EXOC6: variants seen among roughly 807,000 people sequenced by gnomAD.
EXOC6 encodes exocyst complex component 6, also known as SEC15-like 1.
A neutral mutation model predicts 112.5 loss-of-function variants in EXOC6; 60 were observed. That is an observed-to-expected ratio of 0.53 (90% CI 0.43 to 0.66). The LOEUF is 0.66. Among genes scored for constraint, EXOC6 ranks in the 30% least tolerant of loss-of-function variants. The pLI is 0.00. For missense variants in EXOC6, 855 were observed against 957.1 expected, an observed-to-expected ratio of 0.89 and a Z score of 1.41; for synonymous variants, 295 against 308.0, an observed-to-expected ratio of 0.96 and a Z score of 0.44.
At chr10:92,992,100 G>A (rs1733178847) in intron 18 of EXOC6, among the ~76,000 whole-genome samples, 1 of 151,828 alleles carries the variant, frequency 6.6e-6, no homozygotes, top group Admixed American at 6.6e-5. Context: ...GACCAGCCTG[G>A]CCAACATGGT....
intron 13 of EXOC6, 67 bp from the exon 14 acceptor site, chr10:92,948,207 T>C: frequency 1.0e-6 from 1 of 990,110 alleles, no homozygotes; most frequent in Non-Finnish European, 1.5e-6. Flanking sequence ...TTTTTTAAGG[T>C]ATTGTCTTTT....
At chr10:92,895,881 A>G (rs1305148032) in intron 4 of EXOC6, among the ~76,000 whole-genome samples, 1 of 142,916 alleles carries the variant, frequency 7.0e-6, no homozygotes, top group Non-Finnish European at 1.5e-5. Context: ...TTTTTTTTAA[A>G]TATAGTAAGC....
upstream of EXOC6, among the ~76,000 whole-genome samples, chr10:92,832,939 G>A (rs1846537030): frequency 1.3e-5 from 2 of 152,020 alleles, no homozygotes; most frequent in Non-Finnish European, 2.9e-5. Flanking sequence ...GTGGGATTAC[G>A]GGTGTGAGCC....
intron 17 of EXOC6, among the ~76,000 whole-genome samples, chr10:92,971,674 T>G (rs2134078566): frequency 6.6e-6 from 1 of 152,278 alleles, no homozygotes; most frequent in Non-Finnish European, 1.5e-5. Flanking sequence ...CTTATTGTAC[T>G]TTTTAATAAT....
At chr10:92,885,441 G>A (rs1349971854) in intron 1 of EXOC6, among the ~76,000 whole-genome samples, 3 of 151,180 alleles carry the variant, frequency 2.0e-5, no homozygotes, top group South Asian at 2.1e-4. Context: ...GTGCAGTGGC[G>A]CAATCTTGGC....
At chr10:92,878,677 A>G (rs772789291) in intron 1 of EXOC6, among the ~76,000 whole-genome samples, 1 of 152,138 alleles carries the variant, frequency 6.6e-6, no homozygotes, top group Non-Finnish European at 1.5e-5. Flanking sequence ...AGATAATGCG[A>G]TAATTGTCAA....
rs1251596925 is a variant in EXOC6 at position 92,934,094 on chromosome 10, A to G, written c.973-50A>G. On this transcript the variant is annotated intron_variant, in intron 9 of 21. Transcript: ENST00000260762. ...TTGTAGTGACTTGGAACTTACCTTT[A>G]TGTTACCAGTATTTATTGGTTTAAA... 3.5e-6 allele frequency: 4 copies of G among 1,132,096 alleles called. No homozygotes were observed. In the East Asian group the frequency reaches 7.2e-5, roughly 20 times the overall value. The allele number at this position is 1,132,096 out of a possible 1,614,324, so 70.1% of individuals were successfully genotyped here.
At chr10:92,953,701 C>T (rs1853541929) in intron 15 of EXOC6, among the ~76,000 whole-genome samples, 1 of 152,156 alleles carries the variant, frequency 6.6e-6, no homozygotes, top group African/African-American at 2.4e-5. Flanking sequence ...GATAATGAGG[C>T]TGTATCCAAG....
At chr10:92,994,054 C>T (rs146514883) in intron 18 of EXOC6, among the ~76,000 whole-genome samples, 197 of 152,322 alleles carry the variant, frequency 1.3e-3, no homozygotes, top group African/African-American at 4.4e-3. Context: ...TTACTGGTCT[C>T]AGTCTGACAT....
intron 1 of EXOC6, among the ~76,000 whole-genome samples, chr10:92,891,445 G>A (rs955622648): frequency 2.0e-5 from 3 of 152,098 alleles, no homozygotes; most frequent in South Asian, 2.1e-4. Flanking sequence ...TATATTTGAC[G>A]TACATTAGAA....
intron 1 of EXOC6, among the ~76,000 whole-genome samples, chr10:92,891,873 C>G (rs778790544): frequency 6.6e-6 from 1 of 152,032 alleles, no homozygotes; most frequent in Admixed American, 6.6e-5. Context: ...CAGAGGCTAC[C>G]CTCAAGAAGT....
In EXOC6 at chr10:93,058,708, GT is replaced by G. The variant is rs1846656367; in HGVS notation, c.*359del. 1 of 169,100 alleles carries G rather than the reference GT, an allele frequency of 5.9e-6. No individual in the cohort carries two copies. The highest frequency in any genetic ancestry group is 1.3e-5 in the Non-Finnish European group (1 of 79,254). 10.5% of individuals were successfully genotyped at this position (169,100 alleles called of 1,614,324 possible). On this transcript the variant is annotated 3_prime_UTR_variant, in exon 22 of 22. Coordinates refer to ENST00000260762, the MANE Select transcript of EXOC6 (RefSeq NM_019053.6). ...TCTATTTAGACTTGAATGATAATCTGTTTTTTGATCAGTATATGGCTTTGGA... is the reference window on the plus strand; with the variant it reads ...TCTATTTAGACTTGAATGATAATCTGTTTTTGATCAGTATATGGCTTTGGA...
intron 1 of EXOC6, among the ~76,000 whole-genome samples, chr10:92,858,386 T>G (rs961236386): frequency 6.6e-6 from 1 of 152,240 alleles, no homozygotes; most frequent in Non-Finnish European, 1.5e-5. Context: ...CCACATTTAT[T>G]TGAGACTCTG....
At chr10:92,934,674 C>T (rs1852251868) in intron 11 of EXOC6, among the ~76,000 whole-genome samples, 1 of 152,104 alleles carries the variant, frequency 6.6e-6, no homozygotes, top group African/African-American at 2.4e-5. Flanking sequence ...AAGCAGGTCT[C>T]ATTAGTCTCA....
intron 13 of EXOC6, among the ~76,000 whole-genome samples, chr10:92,944,717 T>A (rs563898949): frequency 6.6e-6 from 1 of 151,978 alleles, no homozygotes; most frequent in African/African-American, 2.4e-5. Context: ...CCAACACTTA[T>A]CTTGTGTCTG....
chr10:92,890,576 G>A (rs143303533), intron 1 of EXOC6, among the ~76,000 whole-genome samples: 1 of 152,226 alleles, frequency 6.6e-6, no homozygotes, highest in East Asian at 1.9e-4. Flanking sequence ...ATATTCTACA[G>A]TGGAAGGAAT....
intron 1 of EXOC6, among the ~76,000 whole-genome samples, chr10:92,858,852 G>A (rs1396271808): frequency 6.6e-6 from 1 of 151,980 alleles, no homozygotes; most frequent in Non-Finnish European, 1.5e-5. Context: ...TGCAACCTCC[G>A]CTGCCCAGGT....
intron 20 of EXOC6, among the ~76,000 whole-genome samples, chr10:93,039,188 T>A (rs1172932113): frequency 1.3e-5 from 2 of 152,228 alleles, no homozygotes; most frequent in Non-Finnish European, 2.9e-5. Context: ...GTATTTTTTT[T>A]ATTTGAGACT....
chr10:93,050,784 A>G (rs35518289), intron 20 of EXOC6, among the ~76,000 whole-genome samples: 1 of 149,078 alleles, frequency 6.7e-6, no homozygotes, highest in African/African-American at 2.5e-5. Flanking sequence ...AAAAAAAAGA[A>G]TTGCTTGAAT....
Sources: gnomAD v4.1 joint callset for allele counts (sites outside exome capture counted in the v4.1 genomes callset) on GRCh38, gnomAD v4.1.1 for gene constraint, MANE v1.5 for transcripts, NCBI Gene and HGNC (gene_info 2026-07-23, HGNC 2026-07-21) for gene names.